PDE11A: variants seen among roughly 807,000 people sequenced by gnomAD.
PDE11A encodes the protein dual 3',5'-cyclic-AMP and -GMP phosphodiesterase 11A.
A neutral mutation model predicts 100.5 loss-of-function variants in PDE11A; 100 were observed. That is an observed-to-expected ratio of 1.00 (90% CI 0.85 to 1.18). The LOEUF (loss-of-function observed/expected upper bound fraction) is 1.18. Ranked by LOEUF, PDE11A falls within the 50% of genes most tolerant of loss-of-function variation. The pLI is 0.00. For missense variants in PDE11A, 1,141 were observed against 1,152.6 expected (o/e 0.99, Z 0.15); for synonymous variants, 381 against 420.8 (o/e 0.91, Z 1.16).
At chr2:178,034,825 A>G (rs1327409572) in intron 1 of PDE11A, among the ~76,000 whole-genome samples, 6 of 152,232 alleles carry the variant, frequency 3.9e-5, no homozygotes, top group African/African-American at 1.2e-4. Flanking sequence ...TTTGAAACCA[A>G]TGAGAACAAA....
intron 1 of PDE11A, among the ~76,000 whole-genome samples, chr2:178,024,807 T>A (rs2086458694): frequency 1.3e-5 from 2 of 152,228 alleles, no homozygotes; most frequent in African/African-American, 4.8e-5. Flanking sequence ...TTCCAATTCA[T>A]AAAATCATCT....
intron 4 of PDE11A, among the ~76,000 whole-genome samples, chr2:177,895,529 G>A (rs1009738761): frequency 3.3e-5 from 5 of 151,590 alleles, no homozygotes; most frequent in African/African-American, 1.2e-4. Context: ...ACTCCAGCCT[G>A]GGGGACAGGG....
At chr2:178,093,487 TAAGAC>T (rs2087449367) in intron 2 of PDE11A, among the ~76,000 whole-genome samples, 1 of 152,170 alleles carries the variant, frequency 6.6e-6, no homozygotes, top group African/African-American at 2.4e-5. Context: ...AATCCAGTTT[TAAGAC>T]AATAGAGAAA....
At chr2:178,016,299 C>T (rs1404622140) in intron 1 of PDE11A, among the ~76,000 whole-genome samples, 1 of 151,846 alleles carries the variant, frequency 6.6e-6, no homozygotes, top group Non-Finnish European at 1.5e-5. Flanking sequence ...CTTTAAATGC[C>T]ATTATGAGGC....
intron 2 of PDE11A, among the ~76,000 whole-genome samples, chr2:177,912,923 T>C (rs1265277469): frequency 2.6e-5 from 4 of 152,166 alleles, no homozygotes; most frequent in Non-Finnish European, 5.9e-5. Context: ...ATAAAATTTA[T>C]AGAGAAGGAA....
chr2:177,631,605 GTA>G (rs1203352574), intron 19 of PDE11A, among the ~76,000 whole-genome samples: 5 of 101,252 alleles, frequency 4.9e-5, no homozygotes, highest in Admixed American at 2.3e-4. Context: ...ATATATGTGT[GTA>G]TATATATACA....
intron 2 of PDE11A, among the ~76,000 whole-genome samples, chr2:177,937,158 C>G (rs1388781256): frequency 6.6e-6 from 1 of 152,060 alleles, no homozygotes; most frequent in Non-Finnish European, 1.5e-5. Context: ...TTGGGAGTGA[C>G]CTGGCTTCTG....
At chr2:177,887,691 C>A (rs1415624112) in intron 4 of PDE11A, among the ~76,000 whole-genome samples, 1 of 152,116 alleles carries the variant, frequency 6.6e-6, no homozygotes, top group Non-Finnish European at 1.5e-5. Context: ...GACGTCAAGG[C>A]TGCAGTGAGC....
At chr2:177,937,609 G>A (rs1386612106) in intron 2 of PDE11A, among the ~76,000 whole-genome samples, 31 of 152,114 alleles carry the variant, frequency 2.0e-4, no homozygotes, top group Admixed American at 1.8e-3. Flanking sequence ...GAGCCACCGC[G>A]TCCAGGCCTC....
chr2:177,833,760 G>A (rs2105609470), intron 6 of PDE11A, among the ~76,000 whole-genome samples: 1 of 152,330 alleles, frequency 6.6e-6, no homozygotes, highest in East Asian at 1.9e-4. Flanking sequence ...TAGCCACTGA[G>A]CTATTGAGAA....
intron 5 of PDE11A, among the ~76,000 whole-genome samples, chr2:177,854,753 G>T (rs1280983502): frequency 6.6e-6 from 1 of 152,116 alleles, no homozygotes; most frequent in Non-Finnish European, 1.5e-5. Flanking sequence ...GGCAGACTCA[G>T]AATTCAACTT....
chr2:177,727,726 G>C lies in PDE11A; in HGVS notation c.1975C>G (p.Arg659Gly), dbSNP rs576232838. ...CTCCAGTTGTGGTATAGAACCATCC[G>C]ATAGTTTTTCCTCACTGTCAAAAGC... ...RWLLTVRKNY[R>G]MVLYHNWRHA... The change falls in exon 12 of 20, where the codon CGG (arginine) becomes GGG (glycine). Residue 659 changes from arginine (R) to glycine (G), a missense_variant. Coordinates refer to ENST00000286063, the MANE Select transcript of PDE11A (RefSeq NM_016953.4). 1 of 1,611,576 alleles carries C rather than the reference G, an allele frequency of 6.2e-7. No individual in the cohort carries two copies. Among genetic ancestry groups the C allele is most frequent in the Non-Finnish European group, 8.5e-7 (1 of 1,177,772 alleles).
At chr2:177,716,667 A>G (rs1321903329) in intron 12 of PDE11A, among the ~76,000 whole-genome samples, 1 of 152,208 alleles carries the variant, frequency 6.6e-6, no homozygotes, top group Non-Finnish European at 1.5e-5. Context: ...TGAAATAATT[A>G]CCTATGATAC....
intron 10 of PDE11A, among the ~76,000 whole-genome samples, chr2:177,763,720 C>A (rs1352367272): frequency 6.6e-6 from 1 of 152,220 alleles, no homozygotes; most frequent in East Asian, 1.9e-4. Flanking sequence ...CATGGTGTTA[C>A]CCTCTGTCTG....
intron 6 of PDE11A, among the ~76,000 whole-genome samples, chr2:177,838,810 G>C (rs1383481602): frequency 6.6e-6 from 1 of 152,200 alleles, no homozygotes; most frequent in African/African-American, 2.4e-5. Context: ...CAAGTTAGTA[G>C]TGTTCTACCT....
intron 1 of PDE11A, among the ~76,000 whole-genome samples, chr2:178,050,841 G>C (rs927330146): frequency 6.6e-6 from 1 of 152,190 alleles, no homozygotes; most frequent in East Asian, 1.9e-4. Context: ...AAGCCTCCAA[G>C]AAATATGGGA....
chr2:178,018,332 A>G (rs560888556), intron 1 of PDE11A: 2 of 361,276 alleles, frequency 5.5e-6, no homozygotes, highest in South Asian at 2.4e-5. Context: ...AACTATGTCT[A>G]TGCAGACGCA....
chr2:177,673,118 T>C (rs2080709747), intron 17 of PDE11A, among the ~76,000 whole-genome samples: 1 of 152,190 alleles, frequency 6.6e-6, no homozygotes, highest in Non-Finnish European at 1.5e-5. Flanking sequence ...AAATCTAAGA[T>C]GTTTGTATGG....
intron 4 of PDE11A, among the ~76,000 whole-genome samples, chr2:177,881,053 C>G (rs1446000465): frequency 6.6e-6 from 1 of 152,120 alleles, no homozygotes; most frequent in Non-Finnish European, 1.5e-5. Context: ...AGAAGATTGT[C>G]CTGAGCAATG....
Sources: gnomAD v4.1 joint callset for allele counts (sites outside exome capture counted in the v4.1 genomes callset) on GRCh38, gnomAD v4.1.1 for gene constraint, MANE v1.5 for transcripts, NCBI Gene and HGNC (gene_info 2026-07-23, HGNC 2026-07-21) for gene names.